Variants in FAM204A observed in about 807,000 individuals in gnomAD.
The protein encoded by FAM204A is protein FAM204A.
Under a neutral mutation model 35.4 loss-of-function variants are expected in FAM204A, and 16 were observed. The observed-to-expected ratio is 0.45, with a 90% CI of 0.31 to 0.69. FAM204A has a LOEUF of 0.69. Ranked by LOEUF, FAM204A falls within the 30% of genes least tolerant of loss-of-function variation. FAM204A has a pLI of 0.07. For synonymous variants in FAM204A, 76 were observed against 86.9 expected (o/e 0.88, Z 0.70); for missense variants, 240 against 265.7 (o/e 0.90, Z 0.67).
At chr10:118,337,331 A>C (rs1846404834) in intron 2 of FAM204A, 1 of 612,384 alleles carries the variant, frequency 1.6e-6, no homozygotes, top group African/African-American at 2.0e-5. Flanking sequence ...ACTGCTCATG[A>C]TTTACTATCA....
In FAM204A at chr10:118,301,653, CCA is replaced by C. The variant is rs1845809056; in HGVS notation, c.*9202_*9203del. ...AGACGTGTAGAAATGCAAGAATTGT[CCA>C]GAGAATTGTCTCCCAACAAGTATAT... On this transcript the variant is annotated 3_prime_UTR_variant, in exon 9 of 9. Coordinates refer to ENST00000369183, the MANE Select transcript of FAM204A (RefSeq NM_022063.3). 6.6e-6 allele frequency: 1 copy of C among 152,156 alleles called. No homozygotes were observed. Among genetic ancestry groups the C allele is most frequent in the South Asian group, 2.1e-4 (1 of 4,832 alleles). 9.4% of individuals were successfully genotyped at this position (152,156 alleles called of 1,614,324 possible).
In FAM204A at chr10:118,326,204, A is replaced by C. The variant is rs774827136; in HGVS notation, c.493T>G (p.Trp165Gly). Residue 165 changes from tryptophan to glycine, a missense_variant, in exon 7 of 9, where the codon TGG becomes GGG. Around this residue, in one of 2 missense-constraint regions of FAM204A, gnomAD observed 232 missense variants for 242.8 expected, o/e 0.96. Coordinates refer to ENST00000369183, the MANE Select transcript of FAM204A (RefSeq NM_022063.3). ...EKRIDQAVEE[W>G]NIEKAEELSN... is the part of the protein sequence containing the mutation. The stretch of plus-strand genomic sequence containing the variant: ...AGTTCCTCAGCCTTCTCAATATTCC[A>C]CTCCTCCACAGCCTGGTCTATCCTC... 1 of 1,613,636 alleles carries C rather than the reference A, an allele frequency of 6.2e-7. No homozygotes were observed. Among genetic ancestry groups the C allele is most frequent in the African/African-American group, 1.3e-5 (1 of 74,846 alleles).
chr10:118,312,886 T>C (rs1382739321), intron 7 of FAM204A, among the ~76,000 whole-genome samples: 5 of 152,186 alleles, frequency 3.3e-5, no homozygotes, highest in Non-Finnish European at 5.9e-5. Flanking sequence ...AACGGGTTGT[T>C]TTCAAACTGT....
chr10:118,318,567 G>A (rs1473741350), intron 7 of FAM204A, among the ~76,000 whole-genome samples: 1 of 151,982 alleles, frequency 6.6e-6, no homozygotes, highest in Non-Finnish European at 1.5e-5. Context: ...AGGGTCACAG[G>A]TTCCAGTGGT....
intron 3 of FAM204A, chr10:118,335,960 T>C: frequency 1.8e-6 from 1 of 565,532 alleles, no homozygotes; most frequent in Non-Finnish European, 3.0e-6. Flanking sequence ...CATAGTGGTT[T>C]GGGTTTTTTT....
Position 118,336,345 on chromosome 10 carries a change from G to A in FAM204A, c.71C>T (p.Thr24Met), listed in dbSNP as rs768221539. Residue 24 changes from threonine (T) to methionine (M), a missense_variant, in exon 3 of 9, where the codon ACG becomes ATG. Coordinates refer to ENST00000369183, the MANE Select transcript of FAM204A (RefSeq NM_022063.3). The part of the protein sequence containing the change: ...DAESNSEDEA[T>M]LENSGLNLQE... ...TAAGTTAAGTCCAGAGTTCTCCAAC[G>A]TAGCTTCATCTTCCGAGTTTGACTC... 9.3e-6 allele frequency: 15 copies of A among 1,613,850 alleles called. No individual in the cohort carries two copies. Among genetic ancestry groups the A allele is most frequent in the South Asian group, 4.4e-5 (4 of 91,070 alleles).
At chr10:118,326,467 G>A (rs918487794) in intron 6 of FAM204A, 7 of 469,192 alleles carry the variant, frequency 1.5e-5, no homozygotes, top group African/African-American at 6.1e-5. Flanking sequence ...AAAATAAGAC[G>A]CAAATCCAGA....
At chr10:118,326,093 G>A (rs1428170654) in intron 7 of FAM204A, 61 bp downstream of exon 7, 2 of 1,304,478 alleles carry the variant, frequency 1.5e-6, no homozygotes, top group Admixed American at 4.0e-5. Context: ...ATCATAAAAA[G>A]AATACAAATT....
Position 118,301,604 on chromosome 10 carries a change from A to C in FAM204A, c.*9253T>G, listed in dbSNP as rs1234470614. 1 of 152,210 alleles carries C rather than the reference A, an allele frequency of 6.6e-6. No homozygotes were observed. The highest frequency in any genetic ancestry group is 2.4e-5 in the African/African-American group (1 of 41,454). The allele number at this position is 152,210 out of a possible 1,614,324, so 9.4% of individuals were successfully genotyped here. ...CCTTGCAAAGATAGTTTGGAACAAA[A>C]GGGTACTTAGTGCCTTGCTTCCAAG... is the stretch of plus-strand genomic sequence containing the variant. On this transcript the variant is annotated 3_prime_UTR_variant, in exon 9 of 9. Coordinates refer to ENST00000369183, the MANE Select transcript of FAM204A (RefSeq NM_022063.3).
At chr10:118,329,955 C>T (rs966776774) in intron 6 of FAM204A, among the ~76,000 whole-genome samples, 1 of 152,028 alleles carries the variant, frequency 6.6e-6, no homozygotes, top group African/African-American at 2.4e-5. Flanking sequence ...AAAAGGTACA[C>T]GTATTGTACT....
intron 6 of FAM204A, among the ~76,000 whole-genome samples, chr10:118,332,173 G>GACAAAAAAAAAA (rs1846301474): frequency 1.8e-5 from 1 of 54,158 alleles, no homozygotes; most frequent in East Asian, 7.8e-4. Flanking sequence ...CTCTGTTTCA[G>GACAAAAAAAAAA]AAAAAAAAAA....
At chr10:118,317,574 C>A (rs1313718246) in intron 7 of FAM204A, among the ~76,000 whole-genome samples, 1 of 151,878 alleles carries the variant, frequency 6.6e-6, no homozygotes, top group African/African-American at 2.4e-5. Context: ...AGAAAAAAAA[C>A]CATCACTGAA....
intron 6 of FAM204A, among the ~76,000 whole-genome samples, chr10:118,334,249 T>G (rs898327050): frequency 2.6e-5 from 4 of 152,108 alleles, no homozygotes; most frequent in Non-Finnish European, 5.9e-5. Context: ...ATCCTTTCCC[T>G]TCCCCAAATT....
intron 7 of FAM204A, 103 bp from the exon 8 acceptor site, chr10:118,311,416 T>C (rs561695086): frequency 1.8e-5 from 16 of 887,250 alleles, no homozygotes; most frequent in South Asian, 1.1e-4. Flanking sequence ...AAGAAAGCCA[T>C]GTCTAGAAAT....
chr10:118,336,913 ATAAC>A (rs1050547386), intron 2 of FAM204A, among the ~76,000 whole-genome samples: 2 of 152,240 alleles, frequency 1.3e-5, no homozygotes, highest in African/African-American at 4.8e-5. Context: ...GAGCAGGAAA[ATAAC>A]TAAAGGAAAA....
In FAM204A at chr10:118,309,718, G is replaced by A. The variant is rs1410231184; in HGVS notation, c.*1139C>T. On this transcript the variant is annotated 3_prime_UTR_variant, in exon 9 of 9. Transcript: ENST00000369183. ...TCATTCAATCTTTTAAGGAGGAATG[G>A]GGAATGGGAGGAAAACCAAACAAAT... 1 of 152,130 alleles carries A rather than the reference G, an allele frequency of 6.6e-6. No homozygotes were observed. Among genetic ancestry groups the A allele is most frequent in the African/African-American group, 2.4e-5 (1 of 41,416 alleles). The allele number at this position is 152,130 out of a possible 1,614,324, so 9.4% of individuals were successfully genotyped here.
In FAM204A at chr10:118,308,112, T is replaced by A. The variant is rs1027026631; in HGVS notation, c.*2745A>T. The A allele has an allele frequency of 1.8e-4, 28 of 152,350 alleles. No homozygotes were observed. Among genetic ancestry groups the A allele is most frequent in the Non-Finnish European group, 8.8e-5 (6 of 68,026 alleles). 9.4% of individuals were successfully genotyped at this position (152,350 alleles called of 1,614,324 possible). A position where few individuals can be genotyped will look rare whatever the true frequency, so the allele number is the denominator to read the frequency against. ...AGAATGCACTGCCAACTTCCCTTTC[T>A]CAGAACCAGTGCTGTAAAGCTCAAA... On this transcript the variant is annotated 3_prime_UTR_variant, in exon 9 of 9. Coordinates refer to ENST00000369183, the MANE Select transcript of FAM204A (RefSeq NM_022063.3).
chr10:118,329,891 CT>C (rs1318964319), intron 6 of FAM204A, among the ~76,000 whole-genome samples: 4 of 152,130 alleles, frequency 2.6e-5, no homozygotes, highest in Non-Finnish European at 5.9e-5. Context: ...CTCTGAGAAG[CT>C]TCCAGAGAAT....
In FAM204A at chr10:118,325,395, G is replaced by A. The variant is rs552058165; in HGVS notation, c.543+759C>T. Among the ~76,000 whole-genome samples the A allele has an allele frequency of 9.2e-5, 14 of 152,018 alleles. 1 individual carries two copies. In the South Asian group the frequency reaches 2.7e-3, roughly 29 times the overall value. On this transcript the variant is annotated intron_variant, in intron 7 of 8. Coordinates refer to ENST00000369183, the MANE Select transcript of FAM204A (RefSeq NM_022063.3). ...CCAGATAACCCATGATGCTCTCTACGTAACGAAACACTATGGAGTAGTTAA... is the reference window on the plus strand; with the variant it reads ...CCAGATAACCCATGATGCTCTCTACATAACGAAACACTATGGAGTAGTTAA...
Sources: allele counts gnomAD v4.1 joint callset (sites outside exome capture counted in the v4.1 genomes callset), GRCh38; gene constraint gnomAD v4.1.1; regional missense constraint gnomAD v4.1.1; transcripts MANE v1.5; gene names NCBI Gene and HGNC (gene_info 2026-07-23, HGNC 2026-07-21).